RSPO4: variants seen among roughly 807,000 people sequenced by gnomAD.
RSPO4 encodes the protein R-spondin 4, also known as R-spondin-4.
In RSPO4, 23 loss-of-function variants were observed where a neutral mutation model predicts 24.8. That is an observed-to-expected ratio of 0.93 (90% CI 0.67 to 1.31). RSPO4 has a LOEUF of 1.31. Ranked by LOEUF, RSPO4 falls within the 40% of genes most tolerant of loss-of-function variation. The pLI is 0.00. For missense variants in RSPO4, 333 were observed against 316.5 expected (o/e 1.05, Z -0.39); for synonymous variants, 141 against 127.4 (o/e 1.11, Z -0.72).
At chr20:980,145 A>G (rs6039382) in intron 1 of RSPO4, among the ~76,000 whole-genome samples, 33,043 of 152,126 alleles carry the variant, frequency 0.22, 7,609 homozygotes, top group African/African-American at 0.58. Context: ...TGAGGTTCAG[A>G]GCAATGATGC....
chr20:981,656 C>T lies in RSPO4; in HGVS notation c.80-13518G>A, dbSNP rs1984738766. On this transcript the variant is annotated intron_variant, in intron 1 of 4. Coordinates refer to ENST00000217260, the MANE Select transcript of RSPO4 (RefSeq NM_001029871.4). This position sits in a 1 kb window ranked among gnomAD's most constrained non-coding sequence, Gnocchi z 4.6. ...TGGGGACAGTCCCTGCCAGGCCCAG[C>T]ATGGCAGAAAAAGGAAGGGCTGGGT... Among the ~76,000 whole-genome samples, 1 of 152,244 alleles carries T rather than the reference C, an allele frequency of 6.6e-6. No homozygotes were observed. The highest frequency in any genetic ancestry group is 6.5e-5 in the Admixed American group (1 of 15,288).
chr20:964,769 C>CAG (rs1984132591), intron 3 of RSPO4, among the ~76,000 whole-genome samples: 1 of 143,500 alleles, frequency 7.0e-6, no homozygotes, highest in African/African-American at 2.8e-5. Flanking sequence ...TATATACACA[C>CAG]ACACACACAT....
chr20:963,732 A>G (rs1395175504), intron 4 of RSPO4, among the ~76,000 whole-genome samples: 1 of 152,092 alleles, frequency 6.6e-6, no homozygotes. Context: ...AATTTTCCTA[A>G]TGTATTTGGG....
chr20:982,654 G>A (rs144205122), intron 1 of RSPO4, among the ~76,000 whole-genome samples: 8 of 152,272 alleles, frequency 5.3e-5, no homozygotes, highest in South Asian at 2.1e-4. Context: ...GCTTTGTCCC[G>A]TAGTGGGCTG....
At chr20:974,386 G>A (rs1222688300) in intron 1 of RSPO4, among the ~76,000 whole-genome samples, 2 of 152,178 alleles carry the variant, frequency 1.3e-5, no homozygotes, top group Non-Finnish European at 2.9e-5. Context: ...AATGGTCTGC[G>A]CTGGCCTTGA....
chr20:983,036 A>G (rs1276778874), intron 1 of RSPO4, among the ~76,000 whole-genome samples: 3 of 152,232 alleles, frequency 2.0e-5, no homozygotes, highest in African/African-American at 7.2e-5. Context: ...GATTCCAGGA[A>G]GGGTGGGAGG....
chr20:998,827 C>A (rs113579699), intron 1 of RSPO4, among the ~76,000 whole-genome samples: 1 of 152,118 alleles, frequency 6.6e-6, no homozygotes, highest in Non-Finnish European at 1.5e-5. Flanking sequence ...ACTGCCAATA[C>A]CCAGGTGTTT....
chr20:960,290 G>A lies in RSPO4; in HGVS notation c.*67C>T. On this transcript the variant is annotated 3_prime_UTR_variant, in exon 5 of 5. Transcript: ENST00000217260. ...GAGGAGAAAGAGTAAGAGGAGAGGA[G>A]GAGAAGGAGCAGGAGGAGGTGTGCA... The A allele has an allele frequency of 1.0e-6, 1 of 959,872 alleles. No homozygotes were observed. 59.5% of individuals were successfully genotyped at this position (959,872 alleles called of 1,614,324 possible). A position where few individuals can be genotyped will look rare whatever the true frequency, so the allele number is the denominator to read the frequency against.
rs1220482109 is a variant in RSPO4 at position 985,822 on chromosome 20, A to G, written c.79+16264T>C. On this transcript the variant is annotated intron_variant, in intron 1 of 4. Transcript: ENST00000217260. ...CGGCATGCCCCCAACTCCCAAGCCC[A>G]GGTGGGCTCATGGTTTGGAGGGGAG... is the stretch of plus-strand genomic sequence containing the variant. 3.3e-5 allele frequency among the ~76,000 whole-genome samples: 5 copies of G among 152,332 alleles called. 1 individual carries two copies. The South Asian group carries it at 8.3e-4, about 25-fold the overall frequency.
intron 1 of RSPO4, among the ~76,000 whole-genome samples, chr20:993,722 A>G (rs1478299957): frequency 6.6e-6 from 1 of 152,234 alleles, no homozygotes; most frequent in African/African-American, 2.4e-5. Context: ...GCTGTGGGGT[A>G]GAAACATGAA....
chr20:965,710 G>A (rs1320031575), intron 3 of RSPO4, among the ~76,000 whole-genome samples: 1 of 152,104 alleles, frequency 6.6e-6, no homozygotes, highest in Non-Finnish European at 1.5e-5. Flanking sequence ...GAATGGTGTG[G>A]GTTTGGGAGC....
At chr20:992,297 G>A (rs541612586) in intron 1 of RSPO4, among the ~76,000 whole-genome samples, 13 of 122,644 alleles carry the variant, frequency 1.1e-4, no homozygotes, top group Middle Eastern at 4.7e-3. Context: ...ACGGAGTTTC[G>A]CTCTTGTTGC....
intron 1 of RSPO4, among the ~76,000 whole-genome samples, chr20:998,200 C>T (rs1268343569): frequency 6.6e-6 from 1 of 152,142 alleles, no homozygotes; most frequent in Non-Finnish European, 1.5e-5. Context: ...GATCCAGAAG[C>T]TCCATGTGAA....
At chr20:998,295 C>T (rs942851810) in intron 1 of RSPO4, among the ~76,000 whole-genome samples, 5 of 152,240 alleles carry the variant, frequency 3.3e-5, no homozygotes, top group Non-Finnish European at 7.4e-5. Context: ...AATGGACCTC[C>T]AGATCTAGGG....
At chr20:969,933 G>A (rs138660514) in intron 1 of RSPO4, among the ~76,000 whole-genome samples, 114 of 152,252 alleles carry the variant, frequency 7.5e-4, no homozygotes, top group African/African-American at 2.5e-3. Flanking sequence ...AAGACCACCC[G>A]GCAGGAAACA....
rs531907349 is a variant in RSPO4 at position 971,246 on chromosome 20, T to C, written c.80-3108A>G. ...GCAGCTCCTAGAGAGCTTGTTAGAATATAGGTCCCTGGGTTCCACCCCTGG... is the reference window on the plus strand; with the variant it reads ...GCAGCTCCTAGAGAGCTTGTTAGAACATAGGTCCCTGGGTTCCACCCCTGG... On this transcript the variant is annotated intron_variant, in intron 1 of 4. Coordinates refer to ENST00000217260, the MANE Select transcript of RSPO4 (RefSeq NM_001029871.4). Among the ~76,000 whole-genome samples, 9 of 152,344 alleles carry C rather than the reference T, an allele frequency of 5.9e-5. No individual in the cohort carries two copies. In the East Asian group the frequency reaches 1.3e-3, roughly 23 times the overall value.
chr20:974,016 AC>A (rs1382823683), intron 1 of RSPO4, among the ~76,000 whole-genome samples: 1 of 151,816 alleles, frequency 6.6e-6, no homozygotes, highest in African/African-American at 2.4e-5. Flanking sequence ...GCCTCTCTCT[AC>A]CCCCTGCCCT....
intron 1 of RSPO4, among the ~76,000 whole-genome samples, chr20:997,479 G>T (rs1444116831): frequency 6.6e-6 from 1 of 152,194 alleles, no homozygotes; most frequent in African/African-American, 2.4e-5. Context: ...GAAGCCGAGA[G>T]ACCCAAGGTT....
At chr20:976,649 G>A (rs1318672945) in intron 1 of RSPO4, among the ~76,000 whole-genome samples, 1 of 151,856 alleles carries the variant, frequency 6.6e-6, no homozygotes, top group African/African-American at 2.4e-5. Context: ...CCTTCACTCT[G>A]CAGAACTTCC....
Sources: gnomAD v4.1 joint callset for allele counts (sites outside exome capture counted in the v4.1 genomes callset) on GRCh38, gnomAD v4.1.1 for gene constraint, Gnocchi (gnomAD v3.1) non-coding constraint, MANE v1.5 for transcripts, NCBI Gene and HGNC (gene_info 2026-07-23, HGNC 2026-07-21) for gene names.